Variants in ABCA3 observed in about 807,000 individuals in gnomAD.
ABCA3 encodes phospholipid-transporting ATPase ABCA3.
In ABCA3, 88 loss-of-function variants were observed where a neutral mutation model predicts 172.8. The ratio of observed to expected loss-of-function variants is 0.51; its 90% CI spans 0.43 to 0.61. The LOEUF is 0.61. Among genes scored for constraint, ABCA3 ranks in the 20% least tolerant of loss-of-function variants. The pLI is 0.00. For missense variants in ABCA3, 2,164 were observed against 2,301.0 expected (o/e 0.94, Z 1.22); for synonymous variants, 1,066 against 983.8 (o/e 1.08, Z -1.56).
Position 2,323,483 on chromosome 16 carries a change from A to C in ABCA3, c.613+40T>G, listed in dbSNP as rs45517732. ...CCCCATATGACTGTCACTAGTCAAC[A>C]GCCCGGGCTGGTAACACGAACCCTA... On this transcript the variant is annotated intron_variant, in intron 7 of 32. Transcript: ENST00000301732. 2,928 of 1,613,186 alleles carry C rather than the reference A, an allele frequency of 1.8e-3. 48 individuals carry two copies. The African/African-American group carries it at 0.033, about 18-fold the overall frequency.
chr16:2,332,827 TAC>T (rs1472469346), intron 1 of ABCA3: 2 of 582,548 alleles, frequency 3.4e-6, no homozygotes, highest in South Asian at 2.0e-5. Flanking sequence ...TTTTTTTTTT[TAC>T]ACAGTCTTGC....
intron 13 of ABCA3, 146 bp downstream of exon 13, chr16:2,299,859 C>T (rs535090791): frequency 7.2e-5 from 86 of 1,187,340 alleles, no homozygotes; most frequent in Non-Finnish European, 9.2e-5. Flanking sequence ...TAGAGGGCAG[C>T]GGAGGGTTCC....
chr16:2,327,115 ATT>A (rs891626964), intron 3 of ABCA3, among the ~76,000 whole-genome samples: 3 of 151,934 alleles, frequency 2.0e-5, no homozygotes, highest in Non-Finnish European at 2.9e-5. Flanking sequence ...AGTTTTTAAA[ATT>A]TTTTTTGTTT....
rs887548774 is a variant in ABCA3 at position 2,280,901 on chromosome 16, C to T, written c.4359+126G>A. On this transcript the variant is annotated intron_variant, in intron 28 of 32. Transcript: ENST00000301732. ...TTGTCTCGCTGTCCAGAGGCATGTG[C>T]TGGGCCCATTTCAAGCCACAGATGC... 3.9e-6 allele frequency: 5 copies of T among 1,266,846 alleles called. No individual in the cohort carries two copies. The Admixed American group carries it at 5.6e-5, about 14-fold the overall frequency. The allele number at this position is 1,266,846 out of a possible 1,614,324, so 78.5% of individuals were successfully genotyped here.
Position 2,283,619 on chromosome 16 carries a change from A to G in ABCA3, c.3863-261T>C. Reference sequence around the variant, plus strand: ...CAGCAACAGCCCGCCTGAGAGGCACAGGCTCTGCGTGAATCCTGGGCTGCC... The same window carrying G: ...CAGCAACAGCCCGCCTGAGAGGCACGGGCTCTGCGTGAATCCTGGGCTGCC... On this transcript the variant is annotated intron_variant, in intron 25 of 32. Coordinates refer to ENST00000301732, the MANE Select transcript of ABCA3 (RefSeq NM_001089.3). This position sits in a 1 kb window ranked among gnomAD's most constrained non-coding sequence, Gnocchi z 5.4. 1 of 489,420 alleles carries G rather than the reference A, an allele frequency of 2.0e-6. No individual in the cohort carries two copies. The highest frequency in any genetic ancestry group is 3.3e-5 in the Admixed American group (1 of 30,186). 30.3% of individuals were successfully genotyped at this position (489,420 alleles called of 1,614,324 possible). A position where few individuals can be genotyped will look rare whatever the true frequency, so the allele number is the denominator to read the frequency against.
At chr16:2,323,349 T>C (rs2093728986) in intron 7 of ABCA3, 174 bp downstream of exon 7, 1 of 791,000 alleles carries the variant, frequency 1.3e-6, no homozygotes, top group Non-Finnish European at 2.2e-6. Context: ...TAAGGACACA[T>C]GCACACGTAT....
chr16:2,304,227 A>C, intron 11 of ABCA3, 77 bp from the exon 12 acceptor site: 2 of 1,510,764 alleles, frequency 1.3e-6, no homozygotes, highest in Admixed American at 1.7e-5. Flanking sequence ...CTGATGGCAC[A>C]CGTGTGCACA....
rs767032111 is a variant in ABCA3 at position 2,281,441 on chromosome 16, G to C, written c.4104C>G (p.Ile1368Met). The change falls in exon 27 of 33, where the codon ATC becomes ATG. Residue 1368 changes from isoleucine to methionine, a missense_variant. Ile to Met is a conservative substitution (Grantham distance 10). This residue lies in a region of ABCA3 where 795 missense variants were observed against 881.9 expected (regional missense o/e 0.90). Coordinates refer to ENST00000301732, the MANE Select transcript of ABCA3 (RefSeq NM_001089.3). The surrounding 1 kb of genome is among the most constrained non-coding windows in gnomAD (Gnocchi z 4.7). The part of the protein sequence containing the change: ...DQDVADERTR[I>M]LAPSPDSLLH... Reference sequence around the variant, plus strand: ...GCAGGGAGTCCGGACTGGGGGCCAGGATGCGGGTCCTCTCGTCCGCTACAT... The same window carrying C: ...GCAGGGAGTCCGGACTGGGGGCCAGCATGCGGGTCCTCTCGTCCGCTACAT... 1 of 1,613,726 alleles carries C rather than the reference G, an allele frequency of 6.2e-7. No individual in the cohort carries two copies.
At position 2,291,393 on chromosome 16, in the gene ABCA3, G is replaced by A. The variant is rs151155851; in HGVS notation, c.2513+747C>T. Among the ~76,000 whole-genome samples, 9 of 151,908 alleles carry A rather than the reference G, an allele frequency of 5.9e-5. No individual in the cohort carries two copies. In the East Asian group the frequency reaches 1.2e-3, roughly 20 times the overall value. On this transcript the variant is annotated intron_variant, in intron 19 of 32. Coordinates refer to ENST00000301732, the MANE Select transcript of ABCA3 (RefSeq NM_001089.3). Reference sequence around the variant, plus strand: ...CTCAAACTCCTTGGCTCAAGTGATCGCCTGCCTCGGCCTCCCAAAGTGCTG... The same window carrying A: ...CTCAAACTCCTTGGCTCAAGTGATCACCTGCCTCGGCCTCCCAAAGTGCTG...
In ABCA3 at chr16:2,277,868, C is replaced by T. The variant is rs781503006; in HGVS notation, c.4909+11G>A. On this transcript the variant is annotated intron_variant, in intron 31 of 32. Transcript: ENST00000301732. This position sits in a 1 kb window ranked among gnomAD's most constrained non-coding sequence, Gnocchi z 5.3. Reference sequence around the variant, plus strand: ...GCCCACCCAGTGGGGGCTGCCGGGGCCGGCACACACCTGGAAAGGTCAGGT... The same window carrying T: ...GCCCACCCAGTGGGGGCTGCCGGGGTCGGCACACACCTGGAAAGGTCAGGT... 1.9e-5 allele frequency: 31 copies of T among 1,607,918 alleles called. No individual in the cohort carries two copies. In the South Asian group the frequency reaches 3.4e-4, roughly 18 times the overall value.
At chr16:2,337,078 ATTTT>A (rs879431925) in intron 1 of ABCA3, among the ~76,000 whole-genome samples, 1 of 130,076 alleles carries the variant, frequency 7.7e-6, no homozygotes, top group African/African-American at 2.9e-5. Flanking sequence ...ATACCTGGCT[ATTTT>A]TTTTTTTTTT....
rs931067417 is a variant in ABCA3 at position 2,328,191 on chromosome 16, G to T, written c.-27+262C>A. 1.3e-5 allele frequency among the ~76,000 whole-genome samples: 2 copies of T among 152,102 alleles called. 1 individual carries two copies. Among genetic ancestry groups the T allele is most frequent in the Admixed American group, 1.3e-4 (2 of 15,250 alleles). ...GAAATGAGAGCTTAGATCTGTAAAGGTATTCCCTCAATTTAGCTAAAATCT... is the reference window on the plus strand; with the variant it reads ...GAAATGAGAGCTTAGATCTGTAAAGTTATTCCCTCAATTTAGCTAAAATCT... On this transcript the variant is annotated intron_variant, in intron 3 of 32. Coordinates refer to ENST00000301732, the MANE Select transcript of ABCA3 (RefSeq NM_001089.3).
At chr16:2,332,783 A>G in intron 1 of ABCA3, 1 of 757,212 alleles carries the variant, frequency 1.3e-6, no homozygotes, top group Non-Finnish European at 2.1e-6. Context: ...TGTGCACCAT[A>G]GGCTTGAATT....
rs749485914 is a variant in ABCA3 at position 2,326,156 on chromosome 16, G to C, written c.173C>G (p.Pro58Arg). ...AGGCAGCTCCTGGATGGACTGGCCC[G>C]GGTAGATGGTGGCGTTGGGCACATT... ...SENVPNATIY[P>R]GQSIQELPLF... The change falls in exon 5 of 33, where the codon CCG becomes CGG. Residue 58 changes from proline (P) to arginine (R), a missense_variant. Around this residue, in one of 3 missense-constraint regions of ABCA3, gnomAD observed 1,343 missense variants for 1,369.6 expected, o/e 0.98. Transcript: ENST00000301732. 1.9e-6 allele frequency: 3 copies of C among 1,614,072 alleles called. No individual in the cohort carries two copies. In the South Asian group the frequency reaches 3.3e-5, roughly 18 times the overall value.
intron 1 of ABCA3, among the ~76,000 whole-genome samples, chr16:2,335,828 T>G (rs1374331624): frequency 2.0e-5 from 3 of 152,232 alleles, no homozygotes; most frequent in Non-Finnish European, 4.4e-5. Flanking sequence ...TTACAATGCT[T>G]CGCAGTGATG....
In ABCA3 at chr16:2,284,914, A is replaced by C. The variant is rs200033258; in HGVS notation, c.3568T>G (p.Trp1190Gly). The C allele has an allele frequency of 6.2e-7, 1 of 1,613,956 alleles. No individual in the cohort carries two copies. Among genetic ancestry groups the C allele is most frequent in the African/African-American group, 1.3e-5 (1 of 75,020 alleles). ...AGGTACATGAGGGGGATGATGGCCC[A>C]GCCGTAGAGCAGGAGCAGCAGCAGG... ...DTLLLLLLYGWAIIPLMYLMN... is the reference protein window; with the variant it reads ...DTLLLLLLYGGAIIPLMYLMN... Residue 1190 changes from tryptophan to glycine, a missense_variant, in exon 24 of 33, where the codon TGG becomes GGG. Around this residue, in one of 3 missense-constraint regions of ABCA3, gnomAD observed 795 missense variants for 881.9 expected, o/e 0.90. Coordinates refer to ENST00000301732, the MANE Select transcript of ABCA3 (RefSeq NM_001089.3). This position sits in a 1 kb window ranked among gnomAD's most constrained non-coding sequence, Gnocchi z 5.9.
chr16:2,304,678 T>A (rs1260036175), intron 11 of ABCA3, among the ~76,000 whole-genome samples: 1 of 147,750 alleles, frequency 6.8e-6, no homozygotes, highest in East Asian at 2.0e-4. Context: ...GGGCTAAATT[T>A]TTTTTTTTTT....
chr16:2,332,585 G>A (rs1158328090), intron 1 of ABCA3: 7 of 1,439,396 alleles, frequency 4.9e-6, no homozygotes, highest in Non-Finnish European at 6.8e-6. Context: ...TTGCTGAGAA[G>A]CAAAACTGGC....
intron 1 of ABCA3, among the ~76,000 whole-genome samples, chr16:2,336,431 C>CTT (rs112497349): frequency 4.3e-5 from 6 of 139,778 alleles, no homozygotes; most frequent in Non-Finnish European, 6.3e-5. Context: ...ATATACAGAA[C>CTT]TTTTTTTTTT....
Sources: gnomAD v4.1 joint callset for allele counts (sites outside exome capture counted in the v4.1 genomes callset) on GRCh38, gnomAD v4.1.1 for gene constraint, gnomAD v4.1.1 regional missense constraint, Gnocchi (gnomAD v3.1) non-coding constraint, MANE v1.5 for transcripts, NCBI Gene and HGNC (gene_info 2026-07-23, HGNC 2026-07-21) for gene names.